MYO18B: variants seen among roughly 807,000 people sequenced by gnomAD.
MYO18B encodes unconventional myosin-XVIIIb.
MYO18B carries 204 observed loss-of-function variants against 273.0 expected under a neutral mutation model. The ratio of observed to expected loss-of-function variants is 0.75; its 90% CI spans 0.67 to 0.84. MYO18B has a LOEUF of 0.84. Among genes scored for constraint, MYO18B ranks in the 40% least tolerant of loss-of-function variants. The pLI is 0.00. For synonymous variants in MYO18B, 1,330 were observed against 1,305.7 expected (o/e 1.02, Z -0.40); for missense variants, 3,212 against 3,287.6 (o/e 0.98, Z 0.56).
At chr22:25,773,487 G>A (rs1359852719) in intron 7 of MYO18B, among the ~76,000 whole-genome samples, 3 of 152,088 alleles carry the variant, frequency 2.0e-5, no homozygotes, top group Admixed American at 6.5e-5. Flanking sequence ...CTTTTGAGAC[G>A]GAGTCTCTCT....
At chr22:25,756,058 T>C (rs1209295900) in intron 1 of MYO18B, among the ~76,000 whole-genome samples, 1 of 152,032 alleles carries the variant, frequency 6.6e-6, no homozygotes, top group African/African-American at 2.4e-5. Flanking sequence ...CCACCACGCC[T>C]AGCTAATTTT....
At chr22:25,950,896 A>G (rs1388127261) in intron 37 of MYO18B, among the ~76,000 whole-genome samples, 1 of 152,184 alleles carries the variant, frequency 6.6e-6, no homozygotes, top group Non-Finnish European at 1.5e-5. Context: ...GTATTAACTT[A>G]CATGACCACA....
chr22:26,028,397 A>G (rs1336878805), intron 43 of MYO18B: 2 of 152,260 alleles, frequency 1.3e-5, no homozygotes, highest in East Asian at 3.9e-4. Context: ...GGGATCACAG[A>G]CATGCAAAGG....
intron 34 of MYO18B, among the ~76,000 whole-genome samples, chr22:25,929,250 G>A (rs1173044222): frequency 6.6e-6 from 1 of 151,966 alleles, no homozygotes; most frequent in East Asian, 1.9e-4. Context: ...TCAGCTATTG[G>A]AAGATTTTAG....
intron 39 of MYO18B, among the ~76,000 whole-genome samples, chr22:25,969,875 A>C (rs958016596): frequency 6.6e-6 from 1 of 152,208 alleles, no homozygotes; most frequent in African/African-American, 2.4e-5. Context: ...AATGTGTTTA[A>C]ATACTTATTA....
chr22:25,832,467 T>C (rs1460597785), intron 15 of MYO18B, among the ~76,000 whole-genome samples: 1 of 152,134 alleles, frequency 6.6e-6, no homozygotes, highest in East Asian at 1.9e-4. Flanking sequence ...TCTGATAAAA[T>C]GGTACATGCT....
intron 29 of MYO18B, among the ~76,000 whole-genome samples, chr22:25,902,071 C>G (rs1034241329): frequency 6.6e-6 from 1 of 152,068 alleles, no homozygotes; most frequent in African/African-American, 2.4e-5. Flanking sequence ...CTCCTGGCCC[C>G]AAGTGATCCT....
In MYO18B at chr22:25,985,251, T is replaced by C. The variant is rs1009914442; in HGVS notation, c.6157-7112T>C. Among the ~76,000 whole-genome samples the C allele has an allele frequency of 3.9e-5, 6 of 152,006 alleles. 1 individual carries two copies. The highest frequency in any genetic ancestry group is 1.4e-4 in the African/African-American group (6 of 41,446). ...TGGCAGGTGCCTGTAATCCCAGCTG[T>C]TTGGGGGGCTGAGGCAGGAGAATTG... On this transcript the variant is annotated intron_variant, in intron 39 of 43. Transcript: ENST00000335473.
At chr22:25,764,858 C>T (rs369499173) in intron 3 of MYO18B, among the ~76,000 whole-genome samples, 28 of 152,296 alleles carry the variant, frequency 1.8e-4, no homozygotes, top group East Asian at 9.7e-4. Flanking sequence ...TGGGATTCTA[C>T]CCATTTATCA....
At position 25,795,699 on chromosome 22, in the gene MYO18B, G is replaced by A. The variant is rs1341292686; in HGVS notation, c.2377-2254G>A. 2.0e-5 allele frequency among the ~76,000 whole-genome samples: 3 copies of A among 152,182 alleles called. 1 individual carries two copies. The highest frequency in any genetic ancestry group is 2.0e-4 in the Admixed American group (3 of 15,276). On this transcript the variant is annotated intron_variant, in intron 11 of 43. Coordinates refer to ENST00000335473, the MANE Select transcript of MYO18B (RefSeq NM_032608.7). ...TTGCTAGGGATTTTGTGATCCTGTG[G>A]CGGCCCAGAAATATGATGGATCAAT...
downstream of MYO18B, among the ~76,000 whole-genome samples, chr22:26,033,730 C>G (rs9624955): frequency 0.13 from 20,044 of 150,612 alleles, 2,055 homozygotes; most frequent in African/African-American, 0.27. Flanking sequence ...CTTTCTTTCT[C>G]TTTTTCTCTC....
chr22:25,957,073 G>C (rs2092861874), intron 39 of MYO18B, among the ~76,000 whole-genome samples: 1 of 152,180 alleles, frequency 6.6e-6, no homozygotes. Context: ...CCAGTTGACA[G>C]GATAACTTCC....
intron 1 of MYO18B, among the ~76,000 whole-genome samples, chr22:25,752,161 A>G (rs2146541253): frequency 6.7e-6 from 1 of 148,220 alleles, no homozygotes; most frequent in South Asian, 2.1e-4. Context: ...TATTCATTTG[A>G]CAAATATTTA....
At chr22:25,918,858 G>A (rs2092299892) in intron 33 of MYO18B, among the ~76,000 whole-genome samples, 1 of 152,210 alleles carries the variant, frequency 6.6e-6, no homozygotes, top group Non-Finnish European at 1.5e-5. Context: ...CTGAGTTTAT[G>A]AAGCAGCTCC....
At chr22:26,035,360 C>T (rs1277261632), downstream of MYO18B, among the ~76,000 whole-genome samples, 2 of 152,204 alleles carry the variant, frequency 1.3e-5, no homozygotes, top group African/African-American at 4.8e-5. Flanking sequence ...CTCCTGCTGT[C>T]AGGGACCCAT....
intron 39 of MYO18B, among the ~76,000 whole-genome samples, chr22:25,982,482 G>C (rs1404870727): frequency 6.6e-6 from 1 of 152,194 alleles, no homozygotes; most frequent in African/African-American, 2.4e-5. Flanking sequence ...TTCTTTTAGA[G>C]CTCTAGAGAT....
intron 39 of MYO18B, among the ~76,000 whole-genome samples, chr22:25,961,324 A>G (rs1275538862): frequency 6.6e-6 from 1 of 152,054 alleles, no homozygotes; most frequent in Non-Finnish European, 1.5e-5. Context: ...CCTATGGCCT[A>G]CAAGAAATCT....
chr22:25,996,885 G>T (rs530798550), intron 40 of MYO18B, among the ~76,000 whole-genome samples: 3 of 151,940 alleles, frequency 2.0e-5, no homozygotes, highest in African/African-American at 2.4e-5. Flanking sequence ...TTTCTCCATC[G>T]CATCTTCCTC....
chr22:25,996,660 G>C (rs979409746), intron 40 of MYO18B, among the ~76,000 whole-genome samples: 3 of 152,074 alleles, frequency 2.0e-5, no homozygotes, highest in Admixed American at 6.6e-5. Flanking sequence ...GCCAGAGAAC[G>C]TAGTGCTATG....
Sources: allele counts gnomAD v4.1 joint callset (sites outside exome capture counted in the v4.1 genomes callset), GRCh38; gene constraint gnomAD v4.1.1; transcripts MANE v1.5; gene names NCBI Gene and HGNC (gene_info 2026-07-23, HGNC 2026-07-21).